The following SYTL3 variants were observed in gnomAD, a reference collection of about 807,000 sequenced individuals.
SYTL3 encodes synaptotagmin like 3.
SYTL3 carries 88 observed loss-of-function variants against 82.1 expected under a neutral mutation model. That is an observed-to-expected ratio of 1.07 (90% CI 0.90 to 1.28). The LOEUF is 1.28. Ranked by LOEUF, SYTL3 falls within the 50% of genes most tolerant of loss-of-function variation. The pLI is 0.00. For synonymous variants in SYTL3, 311 were observed against 289.4 expected, an observed-to-expected ratio of 1.07 and a Z score of -0.76; for missense variants, 831 against 757.6, an observed-to-expected ratio of 1.10 and a Z score of -1.14.
intron 17 of SYTL3, 58 bp from the exon 18 acceptor site, chr6:158,764,437 A>G (rs145520449): frequency 0.013 from 16,604 of 1,276,462 alleles, 138 homozygotes; most frequent in Non-Finnish European, 0.016. Flanking sequence ...TAAAGGGATG[A>G]GAGGGGATGA....
chr6:158,700,260 A>C (rs141900587), intron 6 of SYTL3, among the ~76,000 whole-genome samples: 241 of 152,048 alleles, frequency 1.6e-3, no homozygotes, highest in African/African-American at 5.3e-3. Context: ...CTGTCTCATA[A>C]ATAAATAAAT....
rs746958051 is a variant in SYTL3, at chr6:158,708,349, A to G, written c.474A>G (p.Pro158=). 4.3e-6 allele frequency: 7 copies of G among 1,613,838 alleles called. No homozygotes were observed. In the Admixed American group the frequency reaches 1.2e-4, roughly 27 times the overall value. The change falls in exon 8 of 18, where the codon CCA becomes CCG. Residue 158 remains proline, a synonymous_variant. Transcript: ENST00000611299. ...AAATTTCTGTGGTTCCTCCTACTCC[A>G]CCTCCTGTCAGCGAGAGCCAGTGCA... The part of the protein sequence containing the change: ...LSKISVVPPT[P]PPVSESQCSR...
intron 5 of SYTL3, among the ~76,000 whole-genome samples, chr6:158,670,381 G>A (rs1179084326): frequency 6.6e-6 from 1 of 152,206 alleles, no homozygotes; most frequent in Non-Finnish European, 1.5e-5. Flanking sequence ...ATACAGGAGA[G>A]TTGGCAAGGA....
chr6:158,693,844 C>CTTTTACT lies in SYTL3; in HGVS notation c.394+10859_394+10860insACTTTTT, dbSNP rs763990639. ...AGGTGTGCCACTGCATCCAGCCTTT[C>CTTTTACT]TTTTTCTTTTCTTTTTTTTTTTTTT... On this transcript the variant is annotated intron_variant, in intron 6 of 17. Coordinates refer to ENST00000611299, the MANE Select transcript of SYTL3 (RefSeq NM_001242394.2). 2.2e-4 allele frequency among the ~76,000 whole-genome samples: 12 copies of CTTTTACT among 55,616 alleles called. 1 individual carries two copies. The highest frequency in any genetic ancestry group is 3.5e-4 in the African/African-American group (3 of 8,510). The allele number at this position is 55,616 out of a possible 152,430, so 36.5% of individuals were successfully genotyped here. A position where few individuals can be genotyped will look rare whatever the true frequency, so the allele number is the denominator to read the frequency against.
At chr6:158,712,953 G>A (rs1037412268) in intron 8 of SYTL3, among the ~76,000 whole-genome samples, 7 of 151,872 alleles carry the variant, frequency 4.6e-5, no homozygotes, top group Admixed American at 1.3e-4. Context: ...AGTAGAGACG[G>A]GGTTTCACGT....
chr6:158,659,291 G>A (rs1316960810), intron 2 of SYTL3, among the ~76,000 whole-genome samples: 2 of 152,200 alleles, frequency 1.3e-5, no homozygotes, highest in African/African-American at 4.8e-5. Flanking sequence ...AGAAAGTACA[G>A]TTTTGCACAT....
At chr6:158,669,130 AATATC>A (rs1191333966) in intron 5 of SYTL3, among the ~76,000 whole-genome samples, 2 of 152,210 alleles carry the variant, frequency 1.3e-5, no homozygotes, top group African/African-American at 4.8e-5. Context: ...ATTATGTTGA[AATATC>A]AAGGAGGAGA....
intron 9 of SYTL3, among the ~76,000 whole-genome samples, chr6:158,715,607 A>ACACACACACACACACACACACACACG (rs1783287593): frequency 1.4e-5 from 2 of 142,264 alleles, no homozygotes; most frequent in Admixed American, 1.4e-4. Context: ...CATCACACAC[A>ACACACACACACACACACACACACACG]CACACACACG....
chr6:158,697,435 T>TCA (rs1780677604), intron 6 of SYTL3, among the ~76,000 whole-genome samples: 1 of 151,368 alleles, frequency 6.6e-6, no homozygotes, highest in African/African-American at 2.5e-5. Flanking sequence ...AGACCCTGTC[T>TCA]CAAATCAGTC....
intron 6 of SYTL3, among the ~76,000 whole-genome samples, chr6:158,700,823 A>G (rs371510193): frequency 6.6e-5 from 10 of 152,148 alleles, no homozygotes; most frequent in South Asian, 4.2e-4. Flanking sequence ...TCACTGTGTT[A>G]GCCAGGATGG....
At chr6:158,697,084 A>C (rs925664163) in intron 6 of SYTL3, among the ~76,000 whole-genome samples, 1 of 151,690 alleles carries the variant, frequency 6.6e-6, no homozygotes, top group Non-Finnish European at 1.5e-5. Context: ...CTAACAACAT[A>C]TATAAAAATT....
chr6:158,741,443 G>A (rs1415834631), intron 11 of SYTL3, among the ~76,000 whole-genome samples: 2 of 152,186 alleles, frequency 1.3e-5, no homozygotes, highest in African/African-American at 4.8e-5. Flanking sequence ...GGCTCCTTCT[G>A]TTGATCAATG....
upstream of SYTL3, among the ~76,000 whole-genome samples, chr6:158,646,646 C>T (rs1787487395): frequency 6.6e-6 from 1 of 152,204 alleles, no homozygotes; most frequent in South Asian, 2.1e-4. Flanking sequence ...GGGTGTTCGG[C>T]CTGAGCGAGG....
Position 158,713,943 on chromosome 6 carries a change from G to T in SYTL3, c.595+65G>T, listed in dbSNP as rs1053922200. 3 of 1,253,632 alleles carry T rather than the reference G, an allele frequency of 2.4e-6. No individual in the cohort carries two copies. The African/African-American group carries it at 4.5e-5, about 19-fold the overall frequency. The allele number at this position is 1,253,632 out of a possible 1,614,324, so 77.7% of individuals were successfully genotyped here. On this transcript the variant is annotated intron_variant, in intron 9 of 17. Coordinates refer to ENST00000611299, the MANE Select transcript of SYTL3 (RefSeq NM_001242394.2). ...CAGGCCAGCCGAGCCCACTGGCCAG[G>T]GCCTGGCCGGTGACCTCGGTTGACA...
At chr6:158,664,903 A>AT (rs1003992662) in intron 4 of SYTL3, among the ~76,000 whole-genome samples, 13 of 130,452 alleles carry the variant, frequency 1.0e-4, no homozygotes, top group East Asian at 7.4e-4. Context: ...CTGACCACTT[A>AT]TTAAAAAAAA....
chr6:158,760,251 C>T (rs1562473492), intron 14 of SYTL3, among the ~76,000 whole-genome samples: 1 of 152,216 alleles, frequency 6.6e-6, no homozygotes, highest in Non-Finnish European at 1.5e-5. Context: ...CATGGAAGGG[C>T]AGCGTGAATC....
At chr6:158,700,898 G>A (rs954456313) in intron 6 of SYTL3, among the ~76,000 whole-genome samples, 11 of 152,172 alleles carry the variant, frequency 7.2e-5, no homozygotes, top group East Asian at 3.8e-4. Flanking sequence ...TTACAGGCAT[G>A]AGCCACCGCA....
rs890677744 is a variant in SYTL3 at position 158,652,894 on chromosome 6, T to A, written c.-637+1052T>A. Among the ~76,000 whole-genome samples, 8 of 152,124 alleles carry A rather than the reference T, an allele frequency of 5.3e-5. No homozygotes were observed. The East Asian group carries it at 1.3e-3, about 26-fold the overall frequency. ...TGAGGGACCTGAAACTTGTACAACT[T>A]GTGGAGACTTTGGGAAAACAAAGAG... On this transcript the variant is annotated intron_variant, in intron 2 of 17. Coordinates refer to ENST00000611299, the MANE Select transcript of SYTL3 (RefSeq NM_001242394.2).
intron 7 of SYTL3, 116 bp downstream of exon 7, chr6:158,707,397 T>A: frequency 7.1e-6 from 5 of 699,796 alleles, no homozygotes; most frequent in Non-Finnish European, 8.9e-6. Context: ...GGAATGTGAC[T>A]CTTTTTTTTT....
Sources: allele counts gnomAD v4.1 joint callset (sites outside exome capture counted in the v4.1 genomes callset), GRCh38; gene constraint gnomAD v4.1.1; transcripts MANE v1.5; gene names NCBI Gene and HGNC (gene_info 2026-07-23, HGNC 2026-07-21).